The following ZNFX1 variants were observed in gnomAD, a reference collection of about 807,000 sequenced individuals.
The protein encoded by ZNFX1 is NFX1-type zinc finger-containing protein 1.
Under a neutral mutation model 179.8 loss-of-function variants are expected in ZNFX1, and 78 were observed. The ratio of observed to expected loss-of-function variants is 0.43; its 90% CI spans 0.36 to 0.52. ZNFX1 has a LOEUF of 0.52. Ranked by LOEUF, ZNFX1 falls within the 20% of genes least tolerant of loss-of-function variation. The pLI is 0.00. For missense variants in ZNFX1, 1,927 were observed against 2,386.6 expected (o/e 0.81, Z 4.01); for synonymous variants, 848 against 868.5 (o/e 0.98, Z 0.42).
At chr20:49,261,180 G>A (rs759749256) in intron 6 of ZNFX1, among the ~76,000 whole-genome samples, 4 of 152,156 alleles carry the variant, frequency 2.6e-5, no homozygotes, top group Non-Finnish European at 5.9e-5. Context: ...GCTGCAGTGA[G>A]CTATGATTAT....
rs778889762 is a variant in ZNFX1 at position 49,257,432 on chromosome 20, G to A, written c.2649C>T (p.Ala883=). 7 of 1,614,004 alleles carry A rather than the reference G, an allele frequency of 4.3e-6. No individual in the cohort carries two copies. The highest frequency in any genetic ancestry group is 1.6e-4 in the Middle Eastern group (1 of 6,084). ...GTGTAAGQEQ[A]TGEWQTQRNQ... is the part of the protein sequence containing the mutation. Reference sequence around the variant, plus strand: ...GTGAGTTTACCTGCCACTCTCCTGTGGCTTGCTCCTGTCCAGCTGCTGTCC... The same window carrying A: ...GTGAGTTTACCTGCCACTCTCCTGTAGCTTGCTCCTGTCCAGCTGCTGTCC... Residue 883 remains alanine, a synonymous_variant, in exon 8 of 14, where the codon GCC becomes GCT. Coordinates refer to ENST00000396105, the MANE Select transcript of ZNFX1 (RefSeq NM_021035.3).
At chr20:49,271,848 A>C in intron 2 of ZNFX1, 98 bp from the exon 3 acceptor site, 4 of 1,379,674 alleles carry the variant, frequency 2.9e-6, no homozygotes, top group Non-Finnish European at 2.9e-6. Flanking sequence ...AAAATAACTA[A>C]AGAGCTCAGG....
chr20:49,270,944 C>T lies in ZNFX1; in HGVS notation c.868G>A (p.Glu290Lys). The change falls in exon 3 of 14, where the codon GAA becomes AAA. Residue 290 changes from glutamate to lysine, a missense_variant. Glu to Lys is a moderately conservative substitution (Grantham distance 56). Coordinates refer to ENST00000396105, the MANE Select transcript of ZNFX1 (RefSeq NM_021035.3). This position sits in a 1 kb window ranked among gnomAD's most constrained non-coding sequence, Gnocchi z 4.6. ...ACCTTTTCCAGGTTCTTCTCCGTTTCCTCTTCTATGTCAACACCAGAGGCT... is the reference window on the plus strand; with the variant it reads ...ACCTTTTCCAGGTTCTTCTCCGTTTTCTCTTCTATGTCAACACCAGAGGCT... ...LRASGVDIEE[E>K]TEKNLEKVQT... 6.2e-7 allele frequency: 1 copy of T among 1,614,180 alleles called. No individual in the cohort carries two copies. Among genetic ancestry groups the T allele is most frequent in the Non-Finnish European group, 8.5e-7 (1 of 1,180,030 alleles).
At chr20:49,253,543 CAA>C (rs1281218158) in intron 11 of ZNFX1, 121 bp downstream of exon 11, 16 of 1,220,786 alleles carry the variant, frequency 1.3e-5, no homozygotes, top group East Asian at 4.9e-5. Flanking sequence ...GAGGTGAAGA[CAA>C]GAGGAATCAC....
intron 3 of ZNFX1, 58 bp downstream of exon 3, chr20:49,269,884 C>A: frequency 6.6e-7 from 1 of 1,514,172 alleles, no homozygotes; most frequent in South Asian, 1.3e-5. Flanking sequence ...AGTGAAGGCT[C>A]CGTCCCTTGC....
Position 49,271,155 on chromosome 20 carries a change from G to A in ZNFX1, c.657C>T (p.Val219=), listed in dbSNP as rs1382395699. The A allele has an allele frequency of 1.9e-6, 3 of 1,614,042 alleles. No individual in the cohort carries two copies. In the African/African-American group the frequency reaches 4.0e-5, roughly 22 times the overall value. The change falls in exon 3 of 14, where the codon GTC becomes GTT. Residue 219 remains valine, a synonymous_variant. Transcript: ENST00000396105. ...GILKNSKFLK[V]CLPAYVVGMI... is the part of the protein sequence containing the mutation. ...TCCCTACCACATAAGCAGGCAGGCA[G>A]ACTTTGAGAAATTTGGAGTTTTTCA...
At chr20:49,277,292 C>T (rs1981594906) in intron 1 of ZNFX1, among the ~76,000 whole-genome samples, 1 of 151,896 alleles carries the variant, frequency 6.6e-6, no homozygotes, top group African/African-American at 2.4e-5. Flanking sequence ...AGCCCACGGT[C>T]CCTAATGGAA....
In ZNFX1 at chr20:49,245,990, T is replaced by TA. The variant is rs1273111749; in HGVS notation, c.*1276dup. ...AATGCATACATAGGAAAGGGACACT[T>TA]AGAAAGGACCTGAGATACCTAAATG... On this transcript the variant is annotated 3_prime_UTR_variant, in exon 14 of 14. Transcript: ENST00000396105. 1.2e-4 allele frequency: 19 copies of TA among 152,592 alleles called. No individual in the cohort carries two copies. The highest frequency in any genetic ancestry group is 2.6e-4 in the Non-Finnish European group (18 of 68,030). The allele number at this position is 152,592 out of a possible 1,614,324, so 9.5% of individuals were successfully genotyped here.
chr20:49,255,730 AGGT>A (rs1980954087), intron 9 of ZNFX1, 75 bp downstream of exon 9: 7 of 1,480,066 alleles, frequency 4.7e-6, no homozygotes, highest in Non-Finnish European at 6.4e-6. Context: ...ACATCGTTGA[AGGT>A]CTTGGAGGTG....
chr20:49,252,947 C>A, intron 11 of ZNFX1, 117 bp from the exon 12 acceptor site: 1 of 745,908 alleles, frequency 1.3e-6, no homozygotes. Flanking sequence ...GTGCCAGGCA[C>A]TATTCTACAT....
Position 49,271,189 on chromosome 20 carries a change from A to G in ZNFX1, c.623T>C (p.Leu208Pro). ...AAATTTGGAGTTTTTCAATATGCCC[A>G]GTACATGGAGAACACTCTGGCGATC... Reference protein sequence around the residue: ...KMDRQSVLHVLGILKNSKFLK... With the variant: ...KMDRQSVLHVPGILKNSKFLK... Residue 208 changes from leucine (L) to proline (P), a missense_variant, in exon 3 of 14, where the codon CTG becomes CCG. By Grantham distance (98) the Leu-to-Pro change is moderately conservative. Coordinates refer to ENST00000396105, the MANE Select transcript of ZNFX1 (RefSeq NM_021035.3). 1 of 1,614,176 alleles carries G rather than the reference A, an allele frequency of 6.2e-7. No homozygotes were observed. Among genetic ancestry groups the G allele is most frequent in the Non-Finnish European group, 8.5e-7 (1 of 1,180,012 alleles).
chr20:49,266,974 G>A lies in ZNFX1; in HGVS notation c.1871-708C>T, dbSNP rs557015804. Among the ~76,000 whole-genome samples the A allele has an allele frequency of 4.9e-4, 75 of 152,232 alleles. 1 individual carries two copies. The highest frequency in any genetic ancestry group is 6.5e-4 in the Non-Finnish European group (44 of 68,012). On this transcript the variant is annotated intron_variant, in intron 3 of 13. Transcript: ENST00000396105. ...TGCAATGGTGTGATCTTGGCTCACC[G>A]CAACCTCTGCCTCCCGGGTTCAAGT...
rs771441078 is a variant in ZNFX1 at position 49,270,225 on chromosome 20, A to G, written c.1587T>C (p.Asp529=). The change falls in exon 3 of 14, where the codon GAT becomes GAC. Residue 529 remains aspartate (D), a synonymous_variant. Coordinates refer to ENST00000396105, the MANE Select transcript of ZNFX1 (RefSeq NM_021035.3). The surrounding 1 kb of genome is among the most constrained non-coding windows in gnomAD (Gnocchi z 4.6). ...CCACGATATTCCTCTGGAAGGGAACATCTTCCTCCTGGACCTCCTGGAGTC... is the reference window on the plus strand; with the variant it reads ...CCACGATATTCCTCTGGAAGGGAACGTCTTCCTCCTGGACCTCCTGGAGTC... The part of the protein sequence containing the change: ...LEGLQEVQEE[D]VPFQRNIVEC... 8.1e-6 allele frequency: 13 copies of G among 1,614,028 alleles called. No individual in the cohort carries two copies. Among genetic ancestry groups the G allele is most frequent in the Non-Finnish European group, 1.1e-5 (13 of 1,180,034 alleles).
At chr20:49,272,241 G>A (rs1230788404) in intron 2 of ZNFX1, among the ~76,000 whole-genome samples, 4 of 150,506 alleles carry the variant, frequency 2.7e-5, no homozygotes, top group African/African-American at 7.3e-5. Context: ...GCAGTGGTGC[G>A]ATCTCAGCTC....
At chr20:49,263,894 C>T (rs938142361) in intron 5 of ZNFX1, among the ~76,000 whole-genome samples, 6 of 152,288 alleles carry the variant, frequency 3.9e-5, no homozygotes, top group South Asian at 2.1e-4. Flanking sequence ...TTTATACTTA[C>T]TGGTTGAGCA....
chr20:49,266,779 ATG>A (rs148839571), intron 3 of ZNFX1, among the ~76,000 whole-genome samples: 2,316 of 151,564 alleles, frequency 0.015, 57 homozygotes, highest in South Asian at 0.07. Context: ...TTTTATATAC[ATG>A]GTAGATTTGC....
rs557920203 is a variant in ZNFX1, at chr20:49,268,425, T to C, written c.1870+1517A>G. Among the ~76,000 whole-genome samples, 9 of 152,326 alleles carry C rather than the reference T, an allele frequency of 5.9e-5. No individual in the cohort carries two copies. In the South Asian group the frequency reaches 6.2e-4, roughly 11 times the overall value. ...CAATGGGTTCCTATTGGAAAATCCC[T>C]ATGAGCAGCTACTTTATAAACAAAT... On this transcript the variant is annotated intron_variant, in intron 3 of 13. Transcript: ENST00000396105.
chr20:49,265,768 C>A (rs1981219928), intron 4 of ZNFX1, among the ~76,000 whole-genome samples: 1 of 152,014 alleles, frequency 6.6e-6, no homozygotes, highest in Non-Finnish European at 1.5e-5. Context: ...TAGAAAAAGT[C>A]CACCTGAGAA....
chr20:49,251,482 A>G, intron 13 of ZNFX1, 45 bp downstream of exon 13: 1 of 1,556,962 alleles, frequency 6.4e-7, no homozygotes, highest in South Asian at 1.1e-5. Context: ...TAGCCTTTTT[A>G]GGTTGCTGAC....
Sources: gnomAD v4.1 joint callset for allele counts (sites outside exome capture counted in the v4.1 genomes callset) on GRCh38, gnomAD v4.1.1 for gene constraint, Gnocchi (gnomAD v3.1) non-coding constraint, MANE v1.5 for transcripts, NCBI Gene and HGNC (gene_info 2026-07-23, HGNC 2026-07-21) for gene names.